The following IGF1R variants were observed in gnomAD, a reference collection of about 807,000 sequenced individuals.
The protein encoded by IGF1R is insulin like growth factor 1 receptor.
A neutral mutation model predicts 144.6 loss-of-function variants in IGF1R; 44 were observed. The observed-to-expected ratio is 0.30, with a 90% CI of 0.24 to 0.39. The LOEUF (loss-of-function observed/expected upper bound fraction) is 0.39, where lower values mean the gene tolerates loss of function less well. IGF1R is among the 10% of genes least tolerant of loss of function. The pLI, the probability that IGF1R is intolerant of heterozygous loss-of-function variation, is 1.00. For missense variants in IGF1R, 1,355 were observed against 1,833.7 expected (o/e 0.74, Z 4.77); for synonymous variants, 795 against 722.8 (o/e 1.10, Z -1.60).
At chr15:98,724,218 T>C (rs757346205) in intron 2 of IGF1R, among the ~76,000 whole-genome samples, 4 of 152,234 alleles carry the variant, frequency 2.6e-5, no homozygotes, top group Admixed American at 6.5e-5. Flanking sequence ...TGTTCCATAG[T>C]ATCACTTATG....
chr15:98,918,980 C>G (rs929196136), intron 10 of IGF1R, among the ~76,000 whole-genome samples: 1 of 152,158 alleles, frequency 6.6e-6, no homozygotes, highest in Non-Finnish European at 1.5e-5. Flanking sequence ...TGGTGTGTGG[C>G]AGGGCTTTGA....
chr15:98,656,905 C>T (rs986445198), intron 1 of IGF1R, among the ~76,000 whole-genome samples: 2 of 152,196 alleles, frequency 1.3e-5, no homozygotes, highest in Non-Finnish European at 2.9e-5. Flanking sequence ...CTAGCTTTCT[C>T]AAACTGGCTT....
intron 1 of IGF1R, among the ~76,000 whole-genome samples, chr15:98,697,607 C>T (rs1344418678): frequency 2.6e-5 from 4 of 151,884 alleles, no homozygotes; most frequent in Non-Finnish European, 4.4e-5. Context: ...TCTGGGTTCC[C>T]CTTGGTTCTC....
chr15:98,819,959 A>G (rs1010414406), intron 2 of IGF1R, among the ~76,000 whole-genome samples: 1 of 152,206 alleles, frequency 6.6e-6, no homozygotes, highest in Non-Finnish European at 1.5e-5. Flanking sequence ...TGAGACAATA[A>G]GAGTTAAAAA....
intron 2 of IGF1R, among the ~76,000 whole-genome samples, chr15:98,791,567 T>C (rs938475054): frequency 2.6e-5 from 4 of 152,126 alleles, no homozygotes; most frequent in Non-Finnish European, 5.9e-5. Context: ...CCTTATACCA[T>C]CTGAAAAAAA....
At chr15:98,706,920 C>G (rs1404238892) in intron 1 of IGF1R, among the ~76,000 whole-genome samples, 1 of 107,994 alleles carries the variant, frequency 9.3e-6, no homozygotes, top group Non-Finnish European at 1.9e-5. Flanking sequence ...TGCTTTTATT[C>G]ATAAAAAAAT....
intron 1 of IGF1R, among the ~76,000 whole-genome samples, chr15:98,675,628 GT>G (rs901362603): frequency 4.3e-4 from 65 of 152,188 alleles, no homozygotes; most frequent in African/African-American, 1.5e-3. Flanking sequence ...TTATACTCAA[GT>G]CAAAATCGGT....
intron 2 of IGF1R, among the ~76,000 whole-genome samples, chr15:98,871,934 A>G (rs929717057): frequency 7.2e-5 from 11 of 152,346 alleles, no homozygotes; most frequent in African/African-American, 2.4e-4. Flanking sequence ...TTGAAGAGCC[A>G]AGTAAAGTCA....
intron 2 of IGF1R, among the ~76,000 whole-genome samples, chr15:98,794,210 T>C (rs1030628610): frequency 1.3e-5 from 2 of 152,202 alleles, no homozygotes; most frequent in Non-Finnish European, 1.5e-5. Flanking sequence ...AGTCTAGACT[T>C]CCGCAGTTTT....
At chr15:98,877,573 C>T (rs2013126881) in intron 2 of IGF1R, among the ~76,000 whole-genome samples, 1 of 134,708 alleles carries the variant, frequency 7.4e-6, no homozygotes. Flanking sequence ...CCTCTAGAAG[C>T]ATTTTTAAAA....
intron 2 of IGF1R, among the ~76,000 whole-genome samples, chr15:98,836,773 C>T (rs1207604079): frequency 6.6e-6 from 1 of 152,154 alleles, no homozygotes; most frequent in Admixed American, 6.5e-5. Flanking sequence ...GCTTGTTTTT[C>T]ATGACCTTGA....
intron 2 of IGF1R, among the ~76,000 whole-genome samples, chr15:98,780,879 C>G (rs1433544830): frequency 3.9e-5 from 6 of 152,162 alleles, no homozygotes; most frequent in Non-Finnish European, 8.8e-5. Context: ...TACAGAAAAT[C>G]TACACAATCT....
chr15:98,887,643 A>G (rs2013705242), intron 2 of IGF1R, among the ~76,000 whole-genome samples: 1 of 152,240 alleles, frequency 6.6e-6, no homozygotes, highest in African/African-American at 2.4e-5. Flanking sequence ...TCGGTGCTCC[A>G]AGATGGGTGT....
chr15:98,762,233 CTT>C (rs1567115917), intron 2 of IGF1R, among the ~76,000 whole-genome samples: 1 of 128,414 alleles, frequency 7.8e-6, no homozygotes, highest in Non-Finnish European at 1.6e-5. Context: ...CTTTTCTTTT[CTT>C]TTCTTTTTTT....
rs10528336 is a variant in IGF1R at position 98,688,414 on chromosome 15, CTGTGTGTG to C, written c.95-19117_95-19110del. Among the ~76,000 whole-genome samples, 1,401 of 143,596 alleles carry C rather than the reference CTGTGTGTG, an allele frequency of 9.8e-3. 15 individuals carry two copies. Among genetic ancestry groups the C allele is most frequent in the African/African-American group, 0.029 (1,116 of 38,494 alleles). 94.2% of individuals were successfully genotyped at this position (143,596 alleles called of 152,430 possible). On this transcript the variant is annotated intron_variant, in intron 1 of 20. Coordinates refer to ENST00000650285, the MANE Select transcript of IGF1R (RefSeq NM_000875.5). ...CTTCGACTCACCACACAACACACAC[CTGTGTGTG>C]TGTGTGTGTGTGTGTGTGTGTGTGT...
chr15:98,694,598 G>A (rs561067905), intron 1 of IGF1R, among the ~76,000 whole-genome samples: 1 of 151,906 alleles, frequency 6.6e-6, no homozygotes, highest in African/African-American at 2.4e-5. Flanking sequence ...TGCCTGATTT[G>A]CTTTAAAGGC....
intron 2 of IGF1R, among the ~76,000 whole-genome samples, chr15:98,831,311 A>G (rs1273320783): frequency 1.3e-5 from 2 of 152,156 alleles, no homozygotes; most frequent in Non-Finnish European, 2.9e-5. Context: ...CTTTCTCTCC[A>G]CCAGAATCCA....
intron 2 of IGF1R, among the ~76,000 whole-genome samples, chr15:98,850,030 G>A (rs2011475880): frequency 6.6e-6 from 1 of 152,168 alleles, no homozygotes; most frequent in Non-Finnish European, 1.5e-5. Context: ...AATCTTAGAG[G>A]GGGCATTTAC....
At chr15:98,835,136 TACACCCACAC>T (rs1191364405) in intron 2 of IGF1R, among the ~76,000 whole-genome samples, 1 of 90,310 alleles carries the variant, frequency 1.1e-5, no homozygotes. Flanking sequence ...CACCCACCCC[TACACCCACAC>T]ACACCCACCC....
Sources: gnomAD v4.1 joint callset for allele counts (sites outside exome capture counted in the v4.1 genomes callset) on GRCh38, gnomAD v4.1.1 for gene constraint, MANE v1.5 for transcripts, NCBI Gene and HGNC (gene_info 2026-07-23, HGNC 2026-07-21) for gene names.